RIMS2: variants seen among roughly 807,000 people sequenced by gnomAD.
RIMS2 encodes regulating synaptic membrane exocytosis 2, also known as regulating synaptic membrane exocytosis protein 2.
Under a neutral mutation model 174.4 loss-of-function variants are expected in RIMS2, and 59 were observed. That is an observed-to-expected ratio of 0.34 (90% CI 0.27 to 0.42). RIMS2 has a LOEUF of 0.42. Among genes scored for constraint, RIMS2 ranks in the 10% least tolerant of loss-of-function variants. The pLI is 1.00. For missense variants in RIMS2, 1,620 were observed against 1,666.3 expected (o/e 0.97, Z 0.48); for synonymous variants, 606 against 572.5 (o/e 1.06, Z -0.84).
chr8:104,249,907 CT>C (rs2099353564), intron 22 of RIMS2, among the ~76,000 whole-genome samples: 1 of 152,114 alleles, frequency 6.6e-6, no homozygotes, highest in African/African-American at 2.4e-5. Flanking sequence ...ATTAGCTAGT[CT>C]TTTGTGTTAT....
At chr8:103,861,036 T>C (rs2099056062) in intron 3 of RIMS2, among the ~76,000 whole-genome samples, 1 of 152,104 alleles carries the variant, frequency 6.6e-6, no homozygotes, top group Admixed American at 6.6e-5. Flanking sequence ...GTTATATGGA[T>C]ATATTGCATA....
chr8:103,997,189 G>A (rs1261378592), intron 17 of RIMS2, among the ~76,000 whole-genome samples: 10 of 151,788 alleles, frequency 6.6e-5, no homozygotes, highest in Admixed American at 6.6e-4. Flanking sequence ...AAAAGAAAAT[G>A]AGCGAGATAC....
intron 19 of RIMS2, among the ~76,000 whole-genome samples, chr8:104,060,306 T>C (rs1305793945): frequency 6.6e-6 from 1 of 150,614 alleles, no homozygotes; most frequent in African/African-American, 2.4e-5. Flanking sequence ...TGGGAGAGTG[T>C]ATGTGTCGAG....
intron 19 of RIMS2, among the ~76,000 whole-genome samples, chr8:104,213,825 C>T (rs1357176303): frequency 2.7e-5 from 4 of 150,336 alleles, no homozygotes; most frequent in African/African-American, 4.9e-5. Context: ...TGTAGTGAAC[C>T]GAGATTGAGC....
intron 19 of RIMS2, among the ~76,000 whole-genome samples, chr8:104,179,698 T>C (rs1319986088): frequency 6.6e-6 from 1 of 151,872 alleles, no homozygotes; most frequent in Non-Finnish European, 1.5e-5. Flanking sequence ...TACACCTATT[T>C]ATAATTATTA....
chr8:103,949,989 G>A (rs1404431944), intron 14 of RIMS2, among the ~76,000 whole-genome samples: 1 of 152,106 alleles, frequency 6.6e-6, no homozygotes, highest in African/African-American at 2.4e-5. Flanking sequence ...AGGGAAAATT[G>A]TGAACAACTT....
chr8:103,845,910 G>A (rs2098965456), intron 3 of RIMS2, among the ~76,000 whole-genome samples: 1 of 152,044 alleles, frequency 6.6e-6, no homozygotes, highest in African/African-American at 2.4e-5. Flanking sequence ...GGAGGAAGGT[G>A]GGGAAAAAGA....
chr8:104,044,620 TA>T (rs2096662907), intron 19 of RIMS2, among the ~76,000 whole-genome samples: 1 of 151,518 alleles, frequency 6.6e-6, no homozygotes, highest in African/African-American at 2.4e-5. Context: ...AGTTCTAAAT[TA>T]ATTATCATAG....
intron 2 of RIMS2, among the ~76,000 whole-genome samples, chr8:103,735,765 A>C (rs2097677598): frequency 6.6e-6 from 1 of 152,212 alleles, no homozygotes; most frequent in Admixed American, 6.6e-5. Flanking sequence ...CTGTGTGTGC[A>C]GTACAGGACA....
chr8:104,245,053 G>A, exon 20 of RIMS2: 1 of 1,613,722 alleles, frequency 6.2e-7, no homozygotes, highest in Non-Finnish European at 8.5e-7. Flanking sequence ...CAGCTCAGAA[G>A]GAAAGTGAGT....
At chr8:103,865,303 G>C (rs1254107292) in intron 3 of RIMS2, among the ~76,000 whole-genome samples, 2 of 21,540 alleles carry the variant, frequency 9.3e-5, no homozygotes, top group Non-Finnish European at 2.0e-4. Context: ...TTTTTTTTTT[G>C]AGATGGAGAC....
chr8:103,509,280 A>C (rs543532878), intron 1 of RIMS2, among the ~76,000 whole-genome samples: 1 of 152,230 alleles, frequency 6.6e-6, no homozygotes, highest in South Asian at 2.1e-4. Flanking sequence ...ACACCATGTA[A>C]TCTTTTCAGA....
intron 19 of RIMS2, among the ~76,000 whole-genome samples, chr8:104,075,164 G>A (rs2097266452): frequency 6.6e-6 from 1 of 152,068 alleles, no homozygotes; most frequent in African/African-American, 2.4e-5. Context: ...TACAGGAAGA[G>A]CTGCTGCAGC....
At chr8:104,109,937 TC>T (rs2098147650) in intron 19 of RIMS2, among the ~76,000 whole-genome samples, 2 of 152,192 alleles carry the variant, frequency 1.3e-5, no homozygotes, top group Admixed American at 1.3e-4. Flanking sequence ...ATTTTTAACA[TC>T]TATGTGCTAG....
chr8:103,785,700 A>G (rs7461785), intron 3 of RIMS2, among the ~76,000 whole-genome samples: 23,888 of 152,084 alleles, frequency 0.16, 1,981 homozygotes, highest in Middle Eastern at 0.24. Context: ...TTTTGCATCA[A>G]TGTTCATCAA....
chr8:103,582,214 G>T (rs2093658919), intron 1 of RIMS2, among the ~76,000 whole-genome samples: 1 of 152,038 alleles, frequency 6.6e-6, no homozygotes, highest in South Asian at 2.1e-4. Context: ...TGAAGGAAAG[G>T]ACTCAGTCCT....
chr8:103,556,301 A>C (rs1850422430), intron 1 of RIMS2, among the ~76,000 whole-genome samples: 1 of 152,236 alleles, frequency 6.6e-6, no homozygotes, highest in Non-Finnish European at 1.5e-5. Flanking sequence ...ATGAATATAT[A>C]CAATTTATAC....
At chr8:103,917,993 A>T (rs1435589064) in intron 8 of RIMS2, among the ~76,000 whole-genome samples, 1 of 152,146 alleles carries the variant, frequency 6.6e-6, no homozygotes, top group African/African-American at 2.4e-5. Context: ...AATAAAATAA[A>T]ATGAGTTTTA....
At chr8:104,208,860 C>T (rs1156751942) in intron 19 of RIMS2, among the ~76,000 whole-genome samples, 1 of 152,056 alleles carries the variant, frequency 6.6e-6, no homozygotes, top group African/African-American at 2.4e-5. Context: ...TAAATGGACC[C>T]GAAATTCCAT....
Sources: gnomAD v4.1 joint callset for allele counts (sites outside exome capture counted in the v4.1 genomes callset) on GRCh38, gnomAD v4.1.1 for gene constraint, MANE v1.5 for transcripts, NCBI Gene and HGNC (gene_info 2026-07-23, HGNC 2026-07-21) for gene names.